The following KCNT2 variants were observed in gnomAD, a reference collection of about 807,000 sequenced individuals.
The protein encoded by KCNT2 is potassium channel subfamily T member 2.
A neutral mutation model predicts 153.8 loss-of-function variants in KCNT2; 67 were observed. The observed-to-expected ratio is 0.44, with a 90% CI of 0.36 to 0.53. The LOEUF (loss-of-function observed/expected upper bound fraction) is 0.53, where lower values mean the gene tolerates loss of function less well. KCNT2 is among the 20% of genes least tolerant of loss of function. The pLI is 0.00. For synonymous variants in KCNT2, 500 were observed against 458.8 expected, an observed-to-expected ratio of 1.09 and a Z score of -1.15; for missense variants, 975 against 1,354.8, an observed-to-expected ratio of 0.72 and a Z score of 4.40.
At chr1:196,284,882 CAT>C (rs1659514455) in intron 23 of KCNT2, among the ~76,000 whole-genome samples, 1 of 152,044 alleles carries the variant, frequency 6.6e-6, no homozygotes, top group South Asian at 2.1e-4. Context: ...GAAGACAGTA[CAT>C]AAATAAGCAA....
At chr1:196,547,064 C>G (rs971624990) in intron 1 of KCNT2, among the ~76,000 whole-genome samples, 1 of 151,882 alleles carries the variant, frequency 6.6e-6, no homozygotes, top group Non-Finnish European at 1.5e-5. Flanking sequence ...GCTATATACC[C>G]ATGGGATTTA....
intron 19 of KCNT2, among the ~76,000 whole-genome samples, chr1:196,323,085 C>A (rs1663490381): frequency 6.6e-6 from 1 of 151,798 alleles, no homozygotes; most frequent in African/African-American, 2.4e-5. Flanking sequence ...AAAAATGTGG[C>A]TTAAAAAGAC....
At chr1:196,551,430 G>C (rs1440359583) in intron 1 of KCNT2, among the ~76,000 whole-genome samples, 1 of 151,684 alleles carries the variant, frequency 6.6e-6, no homozygotes, top group Non-Finnish European at 1.5e-5. Context: ...TTCTTTGGTG[G>C]AGAAAGAGAA....
intron 8 of KCNT2, among the ~76,000 whole-genome samples, chr1:196,457,347 A>T (rs1676763574): frequency 6.6e-6 from 1 of 151,784 alleles, no homozygotes; most frequent in Admixed American, 6.6e-5. Context: ...TCTATACAAT[A>T]TTATTATCTA....
chr1:196,526,015 C>CTGTGTGTGTGTGTGTG (rs369541629), intron 1 of KCNT2, among the ~76,000 whole-genome samples: 1 of 140,066 alleles, frequency 7.1e-6, no homozygotes, highest in Non-Finnish European at 1.6e-5. Context: ...AGAACTGACT[C>CTGTGTGTGTGTGTGTG]TGTGTGTGTG....
At chr1:196,475,089 G>A (rs1678414208) in intron 5 of KCNT2, among the ~76,000 whole-genome samples, 1 of 152,102 alleles carries the variant, frequency 6.6e-6, no homozygotes, top group African/African-American at 2.4e-5. Flanking sequence ...TAAAGTGCTT[G>A]CATAATGCTG....
intron 14 of KCNT2, among the ~76,000 whole-genome samples, chr1:196,354,056 C>T (rs1021813433): frequency 1.3e-5 from 2 of 151,686 alleles, no homozygotes; most frequent in Non-Finnish European, 2.9e-5. Flanking sequence ...TTTTTATGAA[C>T]CTGTATGTTT....
At chr1:196,493,066 AAC>A (rs1214249056) in intron 1 of KCNT2, among the ~76,000 whole-genome samples, 2 of 152,200 alleles carry the variant, frequency 1.3e-5, no homozygotes, top group Admixed American at 1.3e-4. Context: ...AATTCTAGCA[AAC>A]AGTCTCCCTT....
At chr1:196,410,710 TA>T (rs71154741) in intron 12 of KCNT2, among the ~76,000 whole-genome samples, 69,115 of 145,302 alleles carry the variant, frequency 0.48, 17,346 homozygotes, top group Middle Eastern at 0.68. Context: ...GCTCAGTGCT[TA>T]AAAAAAAAAA....
At chr1:196,566,763 A>C (rs750214999) in intron 1 of KCNT2, among the ~76,000 whole-genome samples, 21 of 152,122 alleles carry the variant, frequency 1.4e-4, no homozygotes, top group Non-Finnish European at 1.9e-4. Flanking sequence ...CCATAGCAAA[A>C]TGTGGCAAAT....
At chr1:196,370,456 G>C (rs1668424396) in intron 14 of KCNT2, among the ~76,000 whole-genome samples, 1 of 152,044 alleles carries the variant, frequency 6.6e-6, no homozygotes. Context: ...TATATTGTAA[G>C]AGTTTTAATC....
chr1:196,334,656 T>C (rs906261685), intron 16 of KCNT2, among the ~76,000 whole-genome samples: 1 of 151,918 alleles, frequency 6.6e-6, no homozygotes, highest in Non-Finnish European at 1.5e-5. Flanking sequence ...TAATATGTTA[T>C]ACTTATTTTG....
chr1:196,310,116 CA>C (rs1662020931), intron 21 of KCNT2, among the ~76,000 whole-genome samples: 3 of 151,612 alleles, frequency 2.0e-5, no homozygotes, highest in African/African-American at 4.8e-5. Flanking sequence ...TATCATAAAG[CA>C]AAAAACACAA....
intron 26 of KCNT2, among the ~76,000 whole-genome samples, chr1:196,239,932 T>A (rs754592812): frequency 4.2e-4 from 64 of 151,930 alleles, no homozygotes; most frequent in Non-Finnish European, 7.4e-4. Context: ...GAGACAAGAC[T>A]GTATGAGGAC....
At chr1:196,264,555 G>A (rs1182846505) in intron 25 of KCNT2, among the ~76,000 whole-genome samples, 3 of 152,050 alleles carry the variant, frequency 2.0e-5, no homozygotes, top group Non-Finnish European at 2.9e-5. Flanking sequence ...CCCCATGGAT[G>A]GGGAAGCTGG....
chr1:196,395,117 G>A (rs1670819205), intron 13 of KCNT2, among the ~76,000 whole-genome samples: 1 of 150,834 alleles, frequency 6.6e-6, no homozygotes, highest in South Asian at 2.1e-4. Flanking sequence ...ATTTCAACTT[G>A]GTGATTATAT....
At chr1:196,380,643 G>A (rs900741389) in intron 13 of KCNT2, among the ~76,000 whole-genome samples, 1 of 152,158 alleles carries the variant, frequency 6.6e-6, no homozygotes, top group Non-Finnish European at 1.5e-5. Flanking sequence ...ACGAACCAGG[G>A]TGGATTTTAA....
chr1:196,255,586 T>C (rs964318646), intron 26 of KCNT2, among the ~76,000 whole-genome samples: 3 of 151,770 alleles, frequency 2.0e-5, no homozygotes, highest in African/African-American at 2.4e-5. Context: ...GCATCCACAG[T>C]AGGGTTTGAA....
intron 26 of KCNT2, among the ~76,000 whole-genome samples, chr1:196,246,211 A>AAATACTTGTATCCTAGAATAGGAAT (rs1655429760): frequency 2.6e-5 from 4 of 152,176 alleles, no homozygotes; most frequent in Non-Finnish European, 5.9e-5. Flanking sequence ...GCTGAAGGAA[A>AAATACTTGTATCCTAGAATAGGAAT]AATACTTGTA....
Sources: allele counts gnomAD v4.1 joint callset (sites outside exome capture counted in the v4.1 genomes callset), GRCh38; gene constraint gnomAD v4.1.1; transcripts MANE v1.5; gene names NCBI Gene and HGNC (gene_info 2026-07-23, HGNC 2026-07-21).